The following FANCM variants were observed in gnomAD, a reference collection of about 807,000 sequenced individuals.
The protein encoded by FANCM is FA complementation group M.
A neutral mutation model predicts 199.5 loss-of-function variants in FANCM; 140 were observed. The observed-to-expected ratio is 0.70, with a 90% confidence interval of 0.61 to 0.81. FANCM has a LOEUF of 0.81. Among genes scored for constraint, FANCM ranks in the 30% least tolerant of loss-of-function variants. The pLI is 0.00. For synonymous variants in FANCM, 840 were observed against 836.8 expected (o/e 1.00, Z -0.07); for missense variants, 2,410 against 2,421.4 (o/e 1.00, Z 0.10).
Position 45,173,192 on chromosome 14 carries a change from G to C in FANCM, c.2298G>C (p.Glu766Asp), listed in dbSNP as rs536801140. ...RHFIGLMQMIEGMRHEEGECS... is the reference protein window; with the variant it reads ...RHFIGLMQMIDGMRHEEGECS... ...TTATAGGCCTTATGCAAATGATAGA[G>C]GGAATGAGACACGAAGAGGTGGGGT... The change falls in exon 13 of 23, where the codon GAG (glutamate) becomes GAC (aspartate). Residue 766 changes from glutamate (E) to aspartate (D), a missense_variant. Coordinates refer to ENST00000267430, the MANE Select transcript of FANCM (RefSeq NM_020937.4). 1 of 1,613,844 alleles carries C rather than the reference G, an allele frequency of 6.2e-7. No individual in the cohort carries two copies. The highest frequency in any genetic ancestry group is 2.2e-5 in the East Asian group (1 of 44,838).
intron 12 of FANCM, among the ~76,000 whole-genome samples, chr14:45,171,327 T>G (rs1025792081): frequency 3.3e-5 from 5 of 150,954 alleles, no homozygotes; most frequent in African/African-American, 1.2e-4. Context: ...TGTAAACCAT[T>G]TTTTTTTTAA....
At chr14:45,142,242 T>G (rs927971089) in intron 3 of FANCM, among the ~76,000 whole-genome samples, 1 of 152,124 alleles carries the variant, frequency 6.6e-6, no homozygotes, top group Admixed American at 6.5e-5. Context: ...GGGTTCAGTC[T>G]GTGATCTCAC....
At position 45,183,732 on chromosome 14, in the gene FANCM, A is replaced by G. The variant is rs202245146; in HGVS notation, c.4387-42A>G. 5.8e-4 allele frequency: 865 copies of G among 1,482,096 alleles called. 1 individual carries two copies. Among genetic ancestry groups the G allele is most frequent in the Admixed American group, 7.5e-4 (44 of 58,536 alleles). 91.8% of individuals were successfully genotyped at this position (1,482,096 alleles called of 1,614,324 possible). On this transcript the variant is annotated intron_variant, in intron 16 of 22. Coordinates refer to ENST00000267430, the MANE Select transcript of FANCM (RefSeq NM_020937.4). ...AGCAATTTTACTTGTCTAGGAAGAA[A>G]ATATTTTTTTCTTATGCAAGAATTT...
intron 8 of FANCM, 59 bp from the exon 9 acceptor site, chr14:45,159,037 A>T: frequency 9.3e-7 from 1 of 1,077,764 alleles, no homozygotes; most frequent in South Asian, 1.5e-5. Flanking sequence ...CTTTTGAACT[A>T]TTTCTTGTCT....
At chr14:45,179,543 A>C (rs1888927895) in intron 14 of FANCM, among the ~76,000 whole-genome samples, 1 of 148,940 alleles carries the variant, frequency 6.7e-6, no homozygotes, top group South Asian at 2.1e-4. Context: ...TAGATTAGGT[A>C]CATCATTTTC....
At chr14:45,136,633 T>G in intron 1 of FANCM, 94 bp downstream of exon 1, 3 of 1,235,660 alleles carry the variant, frequency 2.4e-6, no homozygotes, top group South Asian at 2.5e-5. Context: ...TCTTACGCCC[T>G]CCCTCTTAAA....
intron 3 of FANCM, among the ~76,000 whole-genome samples, chr14:45,143,575 T>C (rs1220999400): frequency 6.6e-6 from 1 of 152,044 alleles, no homozygotes; most frequent in African/African-American, 2.4e-5. Context: ...ATCAACAGTA[T>C]GTCTGGGAAA....
At chr14:45,151,275 A>G in intron 4 of FANCM, 122 bp from the exon 5 acceptor site, 1 of 780,098 alleles carries the variant, frequency 1.3e-6, no homozygotes, top group South Asian at 1.7e-5. Context: ...AGTTTACTTA[A>G]ACATTCATTG....
intron 11 of FANCM, among the ~76,000 whole-genome samples, chr14:45,167,756 A>G (rs1888086095): frequency 6.6e-6 from 1 of 152,112 alleles, no homozygotes; most frequent in South Asian, 2.1e-4. Context: ...GATTTTACTT[A>G]ATCTCTGAAG....
intron 20 of FANCM, among the ~76,000 whole-genome samples, chr14:45,194,420 A>G (rs1395032378): frequency 1.3e-5 from 2 of 152,040 alleles, no homozygotes; most frequent in African/African-American, 4.8e-5. Context: ...CGCTTTGTTT[A>G]TACATTGCTT....
chr14:45,164,540 T>C lies in FANCM; in HGVS notation c.1763T>C (p.Ile588Thr). ...GRKRQGRIVI[I>T]LSEGREERIY... ...AAACGTCAAGGCAGGATAGTTATTA[T>C]CCTTTCTGAAGGACGAGAGGAACGT... Residue 588 changes from isoleucine (I) to threonine (T), a missense_variant, in exon 10 of 23, where the codon ATC becomes ACC. Physicochemically the swap from Ile to Thr is moderately conservative, Grantham distance 89 (BLOSUM62 -1). Transcript: ENST00000267430. 1 of 1,613,206 alleles carries C rather than the reference T, an allele frequency of 6.2e-7. No individual in the cohort carries two copies. The highest frequency in any genetic ancestry group is 8.5e-7 in the Non-Finnish European group (1 of 1,179,842).
In FANCM at chr14:45,199,988, A is replaced by C. The variant is rs746223444; in HGVS notation, c.6127A>C (p.Arg2043=). ...GTTACCAAATGATCTTAACCAAGAT[A>C]GACTGAAATCTGATATATAATCAAG... ...QMLPNDLNQD[R]LKSDI Residue 2043 remains arginine, a synonymous_variant, in exon 23 of 23, where the codon AGA becomes CGA. Coordinates refer to ENST00000267430, the MANE Select transcript of FANCM (RefSeq NM_020937.4). 4.4e-6 allele frequency: 7 copies of C among 1,608,844 alleles called. No individual in the cohort carries two copies. The Admixed American group carries it at 1.2e-4, about 27-fold the overall frequency.
intron 3 of FANCM, among the ~76,000 whole-genome samples, chr14:45,145,668 T>C (rs1775467370): frequency 6.6e-6 from 1 of 152,198 alleles, no homozygotes; most frequent in Non-Finnish European, 1.5e-5. Context: ...CTCACACCTG[T>C]AATCCCAGCA....
At chr14:45,141,184 A>T (rs916424095) in intron 3 of FANCM, among the ~76,000 whole-genome samples, 3 of 148,392 alleles carry the variant, frequency 2.0e-5, no homozygotes, top group African/African-American at 7.4e-5. Flanking sequence ...GCTACTCAGG[A>T]GGCTGAGGCA....
rs893380700 is a variant in FANCM at position 45,159,139 on chromosome 14, G to C, written c.1440G>C (p.Met480Ile). 1.9e-6 allele frequency: 3 copies of C among 1,612,590 alleles called. No homozygotes were observed. The highest frequency in any genetic ancestry group is 2.7e-5 in the African/African-American group (2 of 74,856). Residue 480 changes from methionine to isoleucine, a missense_variant, in exon 9 of 23, where the codon ATG (methionine) becomes ATC (isoleucine). Physicochemically the swap from Met to Ile is conservative, Grantham distance 10. Transcript: ENST00000267430. The stretch of plus-strand genomic sequence containing the variant: ...AGAAACGTGATGAGACCCGAGTTAT[G>C]ATCTTCTCTTCATTTCGAGATAGTG... ...TEKKRDETRV[M>I]IFSSFRDSVQ...
At chr14:45,168,883 G>C (rs1888155698) in intron 11 of FANCM, among the ~76,000 whole-genome samples, 1 of 149,000 alleles carries the variant, frequency 6.7e-6, no homozygotes, top group South Asian at 2.1e-4. Flanking sequence ...ACACTAGTAT[G>C]TAATTCATCT....
At chr14:45,150,135 CAA>C (rs1886712036) in intron 4 of FANCM, among the ~76,000 whole-genome samples, 1 of 152,058 alleles carries the variant, frequency 6.6e-6, no homozygotes. Flanking sequence ...AATAGATAAC[CAA>C]AAAGTTATCT....
intron 11 of FANCM, 95 bp from the exon 12 acceptor site, chr14:45,170,494 C>A (rs1594791743): frequency 1.1e-6 from 1 of 882,798 alleles, no homozygotes; most frequent in South Asian, 1.5e-5. Context: ...CTGTTGCACT[C>A]CAACCTGGGT....
chr14:45,139,170 C>T (rs373098614), intron 2 of FANCM, among the ~76,000 whole-genome samples: 9 of 152,174 alleles, frequency 5.9e-5, no homozygotes, highest in East Asian at 1.9e-4. Context: ...TTAAGCTAAA[C>T]TGAAAATGGT....
Sources: gnomAD v4.1 joint callset for allele counts (sites outside exome capture counted in the v4.1 genomes callset) on GRCh38, gnomAD v4.1.1 for gene constraint, MANE v1.5 for transcripts, NCBI Gene and HGNC (gene_info 2026-07-23, HGNC 2026-07-21) for gene names.